Variants in CDKAL1 observed in about 807,000 individuals in gnomAD.
The protein encoded by CDKAL1 is CDKAL1 threonylcarbamoyladenosine tRNA methylthiotransferase.
Under a neutral mutation model 68.2 loss-of-function variants are expected in CDKAL1, and 32 were observed. The ratio of observed to expected loss-of-function variants is 0.47; its 90% confidence interval spans 0.35 to 0.63. The LOEUF (loss-of-function observed/expected upper bound fraction) is 0.63, where lower values mean the gene tolerates loss of function less well. Among genes scored for constraint, CDKAL1 ranks in the 30% least tolerant of loss-of-function variants. CDKAL1 has a pLI of 0.00. For synonymous variants in CDKAL1, 234 were observed against 244.3 expected (o/e 0.96, Z 0.39); for missense variants, 606 against 696.7 (o/e 0.87, Z 1.47).
chr6:20,859,194 G>A (rs1280215284), intron 9 of CDKAL1, among the ~76,000 whole-genome samples: 1 of 151,544 alleles, frequency 6.6e-6, no homozygotes, highest in Non-Finnish European at 1.5e-5. Context: ...TCATGTGGTA[G>A]CCTAATATTC....
intron 13 of CDKAL1, among the ~76,000 whole-genome samples, chr6:21,177,512 C>G (rs931466321): frequency 2.0e-5 from 3 of 152,126 alleles, no homozygotes; most frequent in African/African-American, 7.2e-5. Flanking sequence ...TTTTTTCCCA[C>G]TGTCCTTTCA....
At chr6:20,832,866 C>T (rs1777774984) in intron 8 of CDKAL1, among the ~76,000 whole-genome samples, 1 of 152,132 alleles carries the variant, frequency 6.6e-6, no homozygotes, top group Non-Finnish European at 1.5e-5. Context: ...AGTGGCTTTA[C>T]CACATTTTCC....
intron 9 of CDKAL1, among the ~76,000 whole-genome samples, chr6:20,904,497 C>A (rs1187768409): frequency 6.6e-6 from 1 of 152,010 alleles, no homozygotes; most frequent in Non-Finnish European, 1.5e-5. Flanking sequence ...GTTAGAAAGT[C>A]ACTACATGTG....
At chr6:20,881,242 G>T (rs1391855688) in intron 9 of CDKAL1, among the ~76,000 whole-genome samples, 1 of 152,136 alleles carries the variant, frequency 6.6e-6, no homozygotes, top group Non-Finnish European at 1.5e-5. Flanking sequence ...TAGAGCTTGA[G>T]AATTTGCATT....
chr6:20,632,811 A>G (rs1767732291), intron 4 of CDKAL1, among the ~76,000 whole-genome samples: 1 of 152,192 alleles, frequency 6.6e-6, no homozygotes, highest in Non-Finnish European at 1.5e-5. Flanking sequence ...TTATTTTTGA[A>G]TCGTTGCCAG....
At chr6:20,821,848 C>A (rs930238240) in intron 8 of CDKAL1, among the ~76,000 whole-genome samples, 2 of 152,124 alleles carry the variant, frequency 1.3e-5, no homozygotes, top group Admixed American at 6.6e-5. Context: ...CCTCAATAAA[C>A]CATTAATATA....
intron 14 of CDKAL1, among the ~76,000 whole-genome samples, chr6:21,199,452 C>T (rs1399543950): frequency 6.6e-6 from 1 of 152,194 alleles, no homozygotes; most frequent in African/African-American, 2.4e-5. Flanking sequence ...TTTTCCTATT[C>T]AGGCCAACCT....
At chr6:21,179,137 C>G (rs916986484) in intron 13 of CDKAL1, among the ~76,000 whole-genome samples, 4 of 152,202 alleles carry the variant, frequency 2.6e-5, no homozygotes, top group African/African-American at 9.7e-5. Context: ...TTTATGCTGT[C>G]ACCTCTTTTC....
intron 4 of CDKAL1, among the ~76,000 whole-genome samples, chr6:20,637,038 A>C (rs554142980): frequency 7.5e-5 from 1 of 13,248 alleles, no homozygotes; most frequent in Non-Finnish European, 1.5e-4. Context: ...CTCCGTCTCA[A>C]AAAAAAAAAA....
At chr6:20,791,439 A>G (rs1039196572) in intron 8 of CDKAL1, among the ~76,000 whole-genome samples, 2 of 152,176 alleles carry the variant, frequency 1.3e-5, no homozygotes, top group Non-Finnish European at 1.5e-5. Context: ...GTTTTTTTCA[A>G]TAAACCATAA....
At chr6:20,640,959 G>A (rs1007501059) in intron 4 of CDKAL1, among the ~76,000 whole-genome samples, 5 of 152,118 alleles carry the variant, frequency 3.3e-5, no homozygotes, top group Admixed American at 2.6e-4. Flanking sequence ...AATAATGTTA[G>A]CTATTATCGT....
At chr6:20,768,136 G>T (rs1431226643) in intron 7 of CDKAL1, among the ~76,000 whole-genome samples, 1 of 152,162 alleles carries the variant, frequency 6.6e-6, no homozygotes, top group Admixed American at 6.5e-5. Flanking sequence ...TCAGCGCTGT[G>T]TTGGGTGCTG....
intron 5 of CDKAL1, among the ~76,000 whole-genome samples, chr6:20,662,289 G>A (rs780911277): frequency 2.0e-4 from 30 of 152,090 alleles, no homozygotes; most frequent in Non-Finnish European, 1.9e-4. Flanking sequence ...CTTAGGTGTC[G>A]TTCTCTGGGC....
At position 20,797,811 on chromosome 6, in the gene CDKAL1, T is replaced by G. The variant is rs575087709; in HGVS notation, c.638+16546T>G. On this transcript the variant is annotated intron_variant, in intron 8 of 15. Transcript: ENST00000274695. ...TTTATTTTATTTTATTTTATTTTAT[T>G]TTATTTTATTTTATTTTTTCTTGGA... is the stretch of plus-strand genomic sequence containing the variant. 1.9e-3 allele frequency among the ~76,000 whole-genome samples: 279 copies of G among 148,836 alleles called. 1 individual carries two copies. Among genetic ancestry groups the G allele is most frequent in the African/African-American group, 6.5e-3 (258 of 39,984 alleles).
At chr6:20,776,089 C>T (rs185158531) in intron 7 of CDKAL1, among the ~76,000 whole-genome samples, 14 of 152,064 alleles carry the variant, frequency 9.2e-5, no homozygotes, top group Middle Eastern at 3.5e-3. Flanking sequence ...GGCAGAGATA[C>T]TTTCCTTTAT....
chr6:20,925,134 G>A (rs1159389932), intron 9 of CDKAL1, among the ~76,000 whole-genome samples: 1 of 152,124 alleles, frequency 6.6e-6, no homozygotes, highest in African/African-American at 2.4e-5. Context: ...CCTTGATCAG[G>A]CAGCAACCAT....
chr6:20,613,535 G>A (rs1237841985), intron 4 of CDKAL1, among the ~76,000 whole-genome samples: 2 of 150,628 alleles, frequency 1.3e-5, no homozygotes, highest in Non-Finnish European at 3.0e-5. Context: ...TCGGCCTTCC[G>A]AAGTGCTGAG....
At chr6:21,170,521 G>T (rs1246471196) in intron 13 of CDKAL1, among the ~76,000 whole-genome samples, 1 of 152,070 alleles carries the variant, frequency 6.6e-6, no homozygotes, top group Non-Finnish European at 1.5e-5. Flanking sequence ...GTAGAGACAG[G>T]GTTTCACTAT....
chr6:20,972,801 C>T (rs912575119), intron 10 of CDKAL1, among the ~76,000 whole-genome samples: 1 of 152,184 alleles, frequency 6.6e-6, no homozygotes, highest in Non-Finnish European at 1.5e-5. Context: ...CAGTCTTTGA[C>T]ATGGGCCTGG....
Sources: allele counts gnomAD v4.1 joint callset (sites outside exome capture counted in the v4.1 genomes callset), GRCh38; gene constraint gnomAD v4.1.1; transcripts MANE v1.5; gene names NCBI Gene and HGNC (gene_info 2026-07-23, HGNC 2026-07-21).